TUBGCP4: variants seen among roughly 807,000 people sequenced by gnomAD.
TUBGCP4 encodes gamma-tubulin complex component 4.
TUBGCP4 carries 54 observed loss-of-function variants against 91.6 expected under a neutral mutation model. The ratio of observed to expected loss-of-function variants is 0.59; its 90% CI spans 0.47 to 0.74. The LOEUF (loss-of-function observed/expected upper bound fraction) is 0.74, where lower values mean the gene tolerates loss of function less well. Among genes scored for constraint, TUBGCP4 ranks in the 30% least tolerant of loss-of-function variants. The pLI is 0.00. For missense variants in TUBGCP4, 593 were observed against 800.9 expected (o/e 0.74, Z 3.13); for synonymous variants, 297 against 302.8 (o/e 0.98, Z 0.20).
Position 43,407,525 on chromosome 15 carries a change from C to T in TUBGCP4, c.*2311C>T. Reference sequence around the variant, plus strand: ...AGCACACTTCAGCACCGAGGCTGGGCATGAGGGGTCCGTCACCACCACATC... The same window carrying T: ...AGCACACTTCAGCACCGAGGCTGGGTATGAGGGGTCCGTCACCACCACATC... On this transcript the variant is annotated 3_prime_UTR_variant, in exon 18 of 18. Transcript: ENST00000564079. The T allele has an allele frequency of 6.2e-7, 1 of 1,614,190 alleles. No individual in the cohort carries two copies. The highest frequency in any genetic ancestry group is 8.5e-7 in the Non-Finnish European group (1 of 1,180,030).
chr15:43,394,858 C>A, intron 9 of TUBGCP4: 1 of 484,778 alleles, frequency 2.1e-6, no homozygotes, highest in Non-Finnish European at 3.7e-6. Flanking sequence ...GCTGAAGCCA[C>A]CGTGCTTCCT....
chr15:43,371,326 T>G lies in TUBGCP4; in HGVS notation c.-29T>G. ...AGGTGCGCTGGAGGAGGGGGTGACA[T>G]AACCAGGGACTCGAGGTCCGCCGTG... On this transcript the variant is annotated 5_prime_UTR_variant, in exon 1 of 18. Transcript: ENST00000564079. The G allele has an allele frequency of 6.2e-7, 1 of 1,609,612 alleles. No individual in the cohort carries two copies. Among genetic ancestry groups the G allele is most frequent in the Non-Finnish European group, 8.5e-7 (1 of 1,177,994 alleles).
intron 6 of TUBGCP4, among the ~76,000 whole-genome samples, chr15:43,381,312 A>G (rs911692365): frequency 6.6e-6 from 1 of 152,230 alleles, no homozygotes; most frequent in African/African-American, 2.4e-5. Flanking sequence ...AAATAGCTTC[A>G]CATTTGATCT....
chr15:43,407,759 T>G lies in TUBGCP4; in HGVS notation c.*2545T>G. 1.3e-6 allele frequency: 1 copy of G among 785,802 alleles called. No individual in the cohort carries two copies. Among genetic ancestry groups the G allele is most frequent in the South Asian group, 1.9e-5 (1 of 52,712 alleles). 48.7% of individuals were successfully genotyped at this position (785,802 alleles called of 1,614,324 possible). A position where few individuals can be genotyped will look rare whatever the true frequency, so the allele number is the denominator to read the frequency against. ...ACTATGTGCTGACCTTGTAGAAATA[T>G]TTAACAAATATACGTCCAGTGCTTC... On this transcript the variant is annotated 3_prime_UTR_variant, in exon 18 of 18. Transcript: ENST00000564079.
intron 7 of TUBGCP4, among the ~76,000 whole-genome samples, chr15:43,384,370 T>G (rs1437521345): frequency 6.6e-6 from 1 of 152,178 alleles, no homozygotes; most frequent in Non-Finnish European, 1.5e-5. Context: ...AATATGGGTA[T>G]TCTTGGAACA....
chr15:43,389,737 G>C (rs1265693920), intron 9 of TUBGCP4, among the ~76,000 whole-genome samples: 2 of 152,088 alleles, frequency 1.3e-5, no homozygotes, highest in Non-Finnish European at 2.9e-5. Flanking sequence ...CCAAGACTGG[G>C]TAATTTATAA....
rs1194179176 is a variant in TUBGCP4 at position 43,408,723 on chromosome 15, T to C, written c.*3509T>C. The C allele has an allele frequency of 9.5e-6, 6 of 634,776 alleles. No homozygotes were observed. The highest frequency in any genetic ancestry group is 1.6e-5 in the Non-Finnish European group (6 of 369,498). The allele number at this position is 634,776 out of a possible 1,614,324, so 39.3% of individuals were successfully genotyped here. ...ACATTTGCAAAAGGTTCCTAGCCAATGTAACCTAGGGAAATAAACTAGATA... is the reference window on the plus strand; with the variant it reads ...ACATTTGCAAAAGGTTCCTAGCCAACGTAACCTAGGGAAATAAACTAGATA... On this transcript the variant is annotated 3_prime_UTR_variant, in exon 18 of 18. Coordinates refer to ENST00000564079, the MANE Select transcript of TUBGCP4 (RefSeq NM_014444.5).
Position 43,376,157 on chromosome 15 carries a change from C to CATGAAT in TUBGCP4, c.138_139insATGAAT (p.Cys46_Arg47insMetAsn). The CATGAAT allele has an allele frequency of 6.2e-7, 1 of 1,614,168 alleles. No homozygotes were observed. The highest frequency in any genetic ancestry group is 2.2e-5 in the East Asian group (1 of 44,876). ...AGACCAGTGTCCTGAATCGACTCTG[C>CATGAAT]CGGCTCGGCACAGACTATATTCGCT... On this transcript the variant is annotated inframe_insertion, in exon 2 of 18. Coordinates refer to ENST00000564079, the MANE Select transcript of TUBGCP4 (RefSeq NM_014444.5).
chr15:43,376,840 G>A (rs931230833), intron 3 of TUBGCP4, among the ~76,000 whole-genome samples, 174 bp from the exon 4 acceptor site: 1 of 152,164 alleles, frequency 6.6e-6, no homozygotes, highest in African/African-American at 2.4e-5. Flanking sequence ...AAGAGCCCTG[G>A]CTTGGTTTCT....
At chr15:43,378,040 G>C (rs1299652331) in intron 5 of TUBGCP4, 137 bp downstream of exon 5, 2 of 637,064 alleles carry the variant, frequency 3.1e-6, no homozygotes, top group Non-Finnish European at 5.1e-6. Flanking sequence ...ATATCTGCTT[G>C]GTTATCATGT....
intron 1 of TUBGCP4, 46 bp downstream of exon 1, chr15:43,371,478 G>A (rs1426850799): frequency 1.3e-6 from 2 of 1,597,382 alleles, no homozygotes; most frequent in Non-Finnish European, 1.7e-6. Flanking sequence ...GCAGGAGGGG[G>A]GACCTGAGCC....
intron 11 of TUBGCP4, among the ~76,000 whole-genome samples, chr15:43,396,649 C>T (rs534090122): frequency 2.6e-5 from 4 of 152,288 alleles, no homozygotes; most frequent in Non-Finnish European, 4.4e-5. Context: ...AAAGCTCAGA[C>T]GTATGATGGT....
chr15:43,408,148 C>G lies in TUBGCP4; in HGVS notation c.*2934C>G, dbSNP rs2044981141. On this transcript the variant is annotated 3_prime_UTR_variant, in exon 18 of 18. Coordinates refer to ENST00000564079, the MANE Select transcript of TUBGCP4 (RefSeq NM_014444.5). Reference sequence around the variant, plus strand: ...AAGTAATATCCAACAAACTGCCTTTCTGCAAAGGGACTCATGTACATCTGA... The same window carrying G: ...AAGTAATATCCAACAAACTGCCTTTGTGCAAAGGGACTCATGTACATCTGA... 5 of 1,540,238 alleles carry G rather than the reference C, an allele frequency of 3.2e-6. No individual in the cohort carries two copies.
intron 15 of TUBGCP4, 145 bp downstream of exon 15, chr15:43,401,995 G>T: frequency 9.3e-7 from 1 of 1,070,784 alleles, no homozygotes; most frequent in Non-Finnish European, 1.3e-6. Context: ...TAAAGCGGCG[G>T]GGCATGGTGG....
Position 43,407,386 on chromosome 15 carries a change from G to C in TUBGCP4, c.*2172G>C, listed in dbSNP as rs2044939284. 6.2e-7 allele frequency: 1 copy of C among 1,613,964 alleles called. No homozygotes were observed. Among genetic ancestry groups the C allele is most frequent in the Non-Finnish European group, 8.5e-7 (1 of 1,179,852 alleles). On this transcript the variant is annotated 3_prime_UTR_variant, in exon 18 of 18. Transcript: ENST00000564079. ...AAACCAGTAAGACCAAGTATCTTTA[G>C]TGAGAAACATAATCGTGTTTATATT...
intron 1 of TUBGCP4, among the ~76,000 whole-genome samples, chr15:43,374,925 C>G (rs1269874705): frequency 6.6e-6 from 1 of 152,160 alleles, no homozygotes; most frequent in Non-Finnish European, 1.5e-5. Flanking sequence ...TTTTTTGAGA[C>G]AGAGTCTCGC....
At chr15:43,394,733 G>A (rs1157431184) in intron 9 of TUBGCP4, 2 of 242,688 alleles carry the variant, frequency 8.2e-6, no homozygotes, top group Non-Finnish European at 1.6e-5. Context: ...AGATCTGGCT[G>A]TTTAAATGTG....
At chr15:43,394,719 C>G (rs1421696884) in intron 9 of TUBGCP4, 1 of 223,102 alleles carries the variant, frequency 4.5e-6, no homozygotes, top group Admixed American at 5.4e-5. Context: ...AGTAAGTTCT[C>G]ATGAGATCTG....
rs2044208317 is a variant in TUBGCP4, at chr15:43,376,586, G to A, written c.291G>A (p.Leu97=). The A allele has an allele frequency of 1.2e-6, 2 of 1,614,180 alleles. No homozygotes were observed. Among genetic ancestry groups the A allele is most frequent in the Non-Finnish European group, 1.7e-6 (2 of 1,180,036 alleles). The change falls in exon 3 of 18, where the codon TTG becomes TTA. Residue 97 remains leucine (L), a synonymous_variant. Coordinates refer to ENST00000564079, the MANE Select transcript of TUBGCP4 (RefSeq NM_014444.5). ...RAFCTGLDSV[L]QPYRQALLDL... ...TCTGCACAGGGCTGGATTCTGTTTTGCAGCCTTATCGCCAAGCACTGCTTG... is the reference window on the plus strand; with the variant it reads ...TCTGCACAGGGCTGGATTCTGTTTTACAGCCTTATCGCCAAGCACTGCTTG...
Sources: gnomAD v4.1 joint callset for allele counts (sites outside exome capture counted in the v4.1 genomes callset) on GRCh38, gnomAD v4.1.1 for gene constraint, MANE v1.5 for transcripts, NCBI Gene and HGNC (gene_info 2026-07-23, HGNC 2026-07-21) for gene names.